The following KIZ variants were observed in gnomAD, a reference collection of about 807,000 sequenced individuals.
KIZ encodes the protein kizuna centrosomal protein, also known as centrosomal protein kizuna.
A neutral mutation model predicts 79.6 loss-of-function variants in KIZ; 68 were observed. The observed-to-expected ratio is 0.85, with a 90% confidence interval of 0.70 to 1.05. The LOEUF (loss-of-function observed/expected upper bound fraction) is 1.05, where lower values mean the gene tolerates loss of function less well. Ranked by LOEUF, KIZ falls within the 50% of genes least tolerant of loss-of-function variation. The probability of loss-of-function intolerance (pLI) is 0.00; values close to 1 mark genes in which losing one functional copy is unlikely to be tolerated. For synonymous variants in KIZ, 280 were observed against 281.8 expected (o/e 0.99, Z 0.06); for missense variants, 797 against 800.4 (o/e 1.00, Z 0.05).
rs140328321 is a variant in KIZ, at chr20:21,128,360, A to G, written c.89+2156A>G. 3.9e-5 allele frequency among the ~76,000 whole-genome samples: 6 copies of G among 152,272 alleles called. No homozygotes were observed. The East Asian group carries it at 9.7e-4, about 24-fold the overall frequency. On this transcript the variant is annotated intron_variant, in intron 1 of 12. Coordinates refer to ENST00000619189, the MANE Select transcript of KIZ (RefSeq NM_018474.6). Reference sequence around the variant, plus strand: ...AGAAACACAAAGCATCCCACTGATCACAGATACCACTGTCTCCTAAAATTC... The same window carrying G: ...AGAAACACAAAGCATCCCACTGATCGCAGATACCACTGTCTCCTAAAATTC...
At chr20:21,240,718 A>G (rs966992351) in intron 11 of KIZ, among the ~76,000 whole-genome samples, 14 of 152,208 alleles carry the variant, frequency 9.2e-5, no homozygotes, top group Non-Finnish European at 1.8e-4. Context: ...TACGGCCCGC[A>G]AGCTAAGAGT....
chr20:21,145,175 T>G (rs556748844), intron 3 of KIZ, among the ~76,000 whole-genome samples: 6 of 151,296 alleles, frequency 4.0e-5, no homozygotes, highest in African/African-American at 9.7e-5. Context: ...TTTTTTTGTT[T>G]GTTTGGGGCA....
intron 6 of KIZ, among the ~76,000 whole-genome samples, chr20:21,199,344 A>G (rs1181975474): frequency 6.6e-6 from 1 of 152,364 alleles, no homozygotes; most frequent in Non-Finnish European, 1.5e-5. Flanking sequence ...TTTAAAATTA[A>G]TATCTGGAGT....
chr20:21,216,545 A>G (rs553544570), intron 9 of KIZ, among the ~76,000 whole-genome samples: 1 of 152,332 alleles, frequency 6.6e-6, no homozygotes, highest in Admixed American at 6.5e-5. Flanking sequence ...TGTATATATT[A>G]TGCATTCAGA....
chr20:21,139,472 G>A (rs2032394099), intron 3 of KIZ, among the ~76,000 whole-genome samples: 1 of 152,094 alleles, frequency 6.6e-6, no homozygotes, highest in African/African-American at 2.4e-5. Context: ...AAAAAAAGTT[G>A]TCATTATCAA....
At chr20:21,178,420 T>A (rs1005185453) in intron 6 of KIZ, among the ~76,000 whole-genome samples, 1 of 152,204 alleles carries the variant, frequency 6.6e-6, no homozygotes, top group Non-Finnish European at 1.5e-5. Context: ...TTTTGTATGT[T>A]GATTTTGTAT....
intron 2 of KIZ, among the ~76,000 whole-genome samples, chr20:21,135,406 C>T (rs2032130325): frequency 6.6e-6 from 1 of 152,286 alleles, no homozygotes; most frequent in African/African-American, 2.4e-5. Context: ...GACCAGCCTT[C>T]AGTTTTTATT....
chr20:21,179,784 G>C (rs1357105534), intron 6 of KIZ, among the ~76,000 whole-genome samples: 1 of 152,058 alleles, frequency 6.6e-6, no homozygotes, highest in Non-Finnish European at 1.5e-5. Flanking sequence ...ATTTGTCTCA[G>C]ATGTTTTCTA....
chr20:21,141,971 C>A (rs2032571676), intron 3 of KIZ, among the ~76,000 whole-genome samples: 1 of 151,472 alleles, frequency 6.6e-6, no homozygotes, highest in Non-Finnish European at 1.5e-5. Context: ...TCCCCTGTCT[C>A]CTATTCCTGT....
Position 21,126,568 on chromosome 20 carries a change from C to T in KIZ, c.89+364C>T, listed in dbSNP as rs184936581. Among the ~76,000 whole-genome samples, 31 of 152,278 alleles carry T rather than the reference C, an allele frequency of 2.0e-4. No homozygotes were observed. In the East Asian group the frequency reaches 6.0e-3, roughly 29 times the overall value. Reference sequence around the variant, plus strand: ...TTCTCTTGTCCCCTTTTACACGCCCCCTCCCCACTCTCTTCAAATTGCCAT... The same window carrying T: ...TTCTCTTGTCCCCTTTTACACGCCCTCTCCCCACTCTCTTCAAATTGCCAT... On this transcript the variant is annotated intron_variant, in intron 1 of 12. Transcript: ENST00000619189.
chr20:21,126,017 G>C, upstream of KIZ: 1 of 1,333,618 alleles, frequency 7.5e-7, no homozygotes, highest in South Asian at 1.8e-5. Flanking sequence ...GCGGCCCGGC[G>C]CGGTGTTTAC....
rs538002398 is a variant in KIZ, at chr20:21,235,459, C to T, written c.1880+2629C>T. ...GAGTGGGGATGAAAAGCATAATGTA[C>T]GAAGGAGTGAGTCCTAATAGGAAGC... On this transcript the variant is annotated intron_variant, in intron 11 of 12. Transcript: ENST00000619189. Among the ~76,000 whole-genome samples, 15 of 152,258 alleles carry T rather than the reference C, an allele frequency of 9.9e-5. No homozygotes were observed. The South Asian group carries it at 2.9e-3, about 29-fold the overall frequency.
intron 11 of KIZ, among the ~76,000 whole-genome samples, chr20:21,236,083 G>A (rs1304937311): frequency 2.6e-5 from 4 of 152,188 alleles, no homozygotes; most frequent in South Asian, 4.1e-4. Flanking sequence ...AATATGTCAC[G>A]TTTCTTATCA....
chr20:21,211,442 A>G (rs2036063501), intron 7 of KIZ, among the ~76,000 whole-genome samples: 1 of 152,224 alleles, frequency 6.6e-6, no homozygotes, highest in Non-Finnish European at 1.5e-5. Flanking sequence ...GACCAATGGA[A>G]CAATCTCTAG....
chr20:21,161,645 A>G (rs1018154871), intron 4 of KIZ, among the ~76,000 whole-genome samples: 3 of 152,018 alleles, frequency 2.0e-5, no homozygotes, highest in Non-Finnish European at 2.9e-5. Context: ...TTTCTTTACT[A>G]TATTTGTTTT....
intron 7 of KIZ, among the ~76,000 whole-genome samples, chr20:21,206,217 A>G (rs969784944): frequency 1.2e-4 from 19 of 152,220 alleles, no homozygotes; most frequent in South Asian, 2.1e-4. Flanking sequence ...GCAAATGCCT[A>G]TCGGTCCATT....
intron 6 of KIZ, chr20:21,194,143 T>G (rs1011803635): frequency 3.3e-5 from 5 of 152,188 alleles, no homozygotes; most frequent in Non-Finnish European, 2.9e-5. Context: ...TTTGGCCAAA[T>G]TTTTTACATT....
intron 7 of KIZ, among the ~76,000 whole-genome samples, chr20:21,206,183 T>A (rs905004580): frequency 3.9e-5 from 6 of 152,194 alleles, no homozygotes; most frequent in African/African-American, 1.4e-4. Context: ...TTAGAAATAC[T>A]TTATAGTCAT....
intron 6 of KIZ, among the ~76,000 whole-genome samples, chr20:21,201,610 A>C (rs2035601249): frequency 6.6e-6 from 1 of 152,242 alleles, no homozygotes; most frequent in Middle Eastern, 3.2e-3. Context: ...CATTTGTTTA[A>C]ATTTCACCTT....
Sources: allele counts gnomAD v4.1 joint callset (sites outside exome capture counted in the v4.1 genomes callset), GRCh38; gene constraint gnomAD v4.1.1; transcripts MANE v1.5; gene names NCBI Gene and HGNC (gene_info 2026-07-23, HGNC 2026-07-21).